Variants in RERE observed in about 807,000 individuals in gnomAD.
RERE encodes arginine-glutamic acid dipeptide repeats.
Under a neutral mutation model 146.1 loss-of-function variants are expected in RERE, and 40 were observed. That is an observed-to-expected ratio of 0.27 (90% CI 0.21 to 0.36). The LOEUF (loss-of-function observed/expected upper bound fraction) is 0.36, where lower values mean the gene tolerates loss of function less well. Ranked by LOEUF, RERE falls within the 10% of genes least tolerant of loss-of-function variation. RERE has a pLI of 1.00. For missense variants in RERE, 1,933 were observed against 2,138.7 expected (o/e 0.90, Z 1.90); for synonymous variants, 1,003 against 866.0 (o/e 1.16, Z -2.78).
chr1:8,449,331 A>G (rs17032599), intron 11 of RERE, among the ~76,000 whole-genome samples: 4,289 of 152,274 alleles, frequency 0.028, 177 homozygotes, highest in African/African-American at 0.097. Flanking sequence ...AGTGACATTT[A>G]AAGGGAACTC....
At chr1:8,628,848 G>T (rs925633674) in intron 2 of RERE, among the ~76,000 whole-genome samples, 1 of 152,178 alleles carries the variant, frequency 6.6e-6, no homozygotes, top group Non-Finnish European at 1.5e-5. Context: ...TGCATGGGAT[G>T]TCTGAAGCTG....
At chr1:8,642,467 T>G (rs2124287539) in intron 2 of RERE, among the ~76,000 whole-genome samples, 1 of 152,350 alleles carries the variant, frequency 6.6e-6, no homozygotes, top group South Asian at 2.1e-4. Context: ...TTAGGGCTGT[T>G]TCACTTGTAA....
chr1:8,751,107 A>G (rs1640525942), intron 1 of RERE: 4 of 446,032 alleles, frequency 9.0e-6, no homozygotes, highest in Non-Finnish European at 1.6e-5. Context: ...ACTATCTACA[A>G]TATAAGCTGC....
chr1:8,423,145 T>A lies in RERE; in HGVS notation c.1204-338A>T. ...GGTATAAATATGCTCCATGTTTTAA[T>A]AAAACACAACTGCTTTCCCACCTGA... On this transcript the variant is annotated intron_variant, in intron 11 of 22. Coordinates refer to ENST00000400908, the MANE Select transcript of RERE (RefSeq NM_001042681.2). This position sits in a 1 kb window ranked among gnomAD's most constrained non-coding sequence, Gnocchi z 5.4. 8.9e-6 allele frequency: 2 copies of A among 224,226 alleles called. No individual in the cohort carries two copies. The highest frequency in any genetic ancestry group is 9.1e-6 in the Non-Finnish European group (1 of 110,026). 13.9% of individuals were successfully genotyped at this position (224,226 alleles called of 1,614,324 possible). A position where few individuals can be genotyped will look rare whatever the true frequency, so the allele number is the denominator to read the frequency against.
intron 1 of RERE, among the ~76,000 whole-genome samples, chr1:8,681,912 T>C (rs765652255): frequency 6.6e-6 from 1 of 152,222 alleles, no homozygotes; most frequent in Non-Finnish European, 1.5e-5. Flanking sequence ...GCAAATATAG[T>C]AAGTCAACTT....
chr1:8,535,315 T>C (rs1295544468), intron 7 of RERE, among the ~76,000 whole-genome samples: 1 of 152,144 alleles, frequency 6.6e-6, no homozygotes, highest in African/African-American at 2.4e-5. Context: ...GATCCTTCTG[T>C]TGTAGGTTTT....
intron 11 of RERE, among the ~76,000 whole-genome samples, chr1:8,451,345 C>G (rs1033623262): frequency 1.1e-4 from 16 of 152,248 alleles, no homozygotes; most frequent in Non-Finnish European, 1.9e-4. Context: ...GGCAGGAGAA[C>G]AGCTTGAACC....
chr1:8,531,040 T>C (rs888240414), intron 7 of RERE, among the ~76,000 whole-genome samples: 1 of 142,058 alleles, frequency 7.0e-6, no homozygotes, highest in Non-Finnish European at 1.6e-5. Flanking sequence ...TATCTATCTA[T>C]CTATCTATCT....
chr1:8,784,768 G>A (rs150621732), intron 1 of RERE, among the ~76,000 whole-genome samples: 1 of 152,146 alleles, frequency 6.6e-6, no homozygotes, highest in Non-Finnish European at 1.5e-5. Flanking sequence ...CTATGACTTC[G>A]TATCTTACAA....
intron 12 of RERE, among the ~76,000 whole-genome samples, chr1:8,383,865 T>TAAATA (rs59971377): frequency 0.28 from 41,586 of 148,194 alleles, 6,437 homozygotes; most frequent in Middle Eastern, 0.49. Context: ...TCTCAAAAAA[T>TAAATA]AAATAAAATA....
chr1:8,556,690 C>A, intron 5 of RERE, 119 bp from the exon 6 acceptor site: 1 of 638,014 alleles, frequency 1.6e-6, no homozygotes, highest in Non-Finnish European at 2.8e-6. Context: ...TGGTTAGCAT[C>A]GTTAAGTATG....
At chr1:8,639,701 GT>G (rs1478469930) in intron 2 of RERE, among the ~76,000 whole-genome samples, 1 of 152,174 alleles carries the variant, frequency 6.6e-6, no homozygotes, top group Non-Finnish European at 1.5e-5. Flanking sequence ...CAGTTAAACT[GT>G]TCCTAAGGAT....
intron 1 of RERE, among the ~76,000 whole-genome samples, chr1:8,686,003 CAA>C (rs1639078159): frequency 4.4e-4 from 61 of 138,456 alleles, no homozygotes; most frequent in African/African-American, 1.5e-3. Flanking sequence ...TTTTTGGAAA[CAA>C]GGTCTCACAT....
chr1:8,388,288 T>G (rs1642753383), intron 12 of RERE, among the ~76,000 whole-genome samples: 1 of 151,620 alleles, frequency 6.6e-6, no homozygotes, highest in South Asian at 2.1e-4. Context: ...GACAGGGGAT[T>G]GCACCGGAGA....
chr1:8,407,855 T>C lies in RERE; in HGVS notation c.1284+14872A>G, dbSNP rs1447544922. Among the ~76,000 whole-genome samples the C allele has an allele frequency of 5.9e-5, 9 of 152,144 alleles. 1 individual carries two copies. The highest frequency in any genetic ancestry group is 5.9e-4 in the Admixed American group (9 of 15,276). The stretch of plus-strand genomic sequence containing the variant: ...GGGAGGATCAAAGGCGTGCTGCTGT[T>C]AACTGCGGCTCTCAAGGCCTTGCCC... On this transcript the variant is annotated intron_variant, in intron 12 of 22. Transcript: ENST00000400908.
chr1:8,556,353 C>G (rs1646006567), intron 6 of RERE, 122 bp downstream of exon 6: 2 of 616,358 alleles, frequency 3.2e-6, no homozygotes, highest in Non-Finnish European at 5.8e-6. Flanking sequence ...GGCATGTTCA[C>G]TGAGGCCAAA....
intron 1 of RERE, among the ~76,000 whole-genome samples, chr1:8,807,282 G>C (rs1325770295): frequency 6.6e-6 from 1 of 151,992 alleles, no homozygotes; most frequent in Non-Finnish European, 1.5e-5. Context: ...TCAAACTCCT[G>C]GTCTCAAGGG....
rs547268087 is a variant in RERE at position 8,805,239 on chromosome 1, G to A, written c.-145+11921C>T. Among the ~76,000 whole-genome samples the A allele has an allele frequency of 1.1e-3, 173 of 152,108 alleles. 1 individual carries two copies. Among genetic ancestry groups the A allele is most frequent in the African/African-American group, 1.8e-3 (74 of 41,486 alleles). ...ATAAACTCATTTTGGGGGGCCAGGC[G>A]CAACAGCTCACATCTCTAATCCCAG... On this transcript the variant is annotated intron_variant, in intron 1 of 22. Coordinates refer to ENST00000400908, the MANE Select transcript of RERE (RefSeq NM_001042681.2).
At chr1:8,552,710 A>T (rs966460826) in intron 6 of RERE, among the ~76,000 whole-genome samples, 1 of 152,258 alleles carries the variant, frequency 6.6e-6, no homozygotes, top group African/African-American at 2.4e-5. Flanking sequence ...GCTGGGGGGC[A>T]CTGCCATCCC....
Sources: gnomAD v4.1 joint callset for allele counts (sites outside exome capture counted in the v4.1 genomes callset) on GRCh38, gnomAD v4.1.1 for gene constraint, Gnocchi (gnomAD v3.1) non-coding constraint, MANE v1.5 for transcripts, NCBI Gene and HGNC (gene_info 2026-07-23, HGNC 2026-07-21) for gene names.